Variants in AFAP1L1 observed in about 807,000 individuals in gnomAD.
AFAP1L1 encodes the protein actin filament associated protein 1 like 1.
A neutral mutation model predicts 99.8 loss-of-function variants in AFAP1L1; 77 were observed. That is an observed-to-expected ratio of 0.77 (90% CI 0.64 to 0.93). The LOEUF (loss-of-function observed/expected upper bound fraction) is 0.93. AFAP1L1 is among the 40% of genes least tolerant of loss of function. The pLI is 0.00. For synonymous variants in AFAP1L1, 373 were observed against 395.3 expected, an observed-to-expected ratio of 0.94 and a Z score of 0.67; for missense variants, 893 against 996.8, an observed-to-expected ratio of 0.90 and a Z score of 1.40.
At chr5:149,319,843 C>A (rs982816436) in intron 13 of AFAP1L1, 116 bp downstream of exon 13, 15 of 1,414,304 alleles carry the variant, frequency 1.1e-5, no homozygotes, top group Middle Eastern at 2.5e-4. Flanking sequence ...AGGAAAGCTC[C>A]GCTTCCTTGG....
chr5:149,287,537 C>T (rs144508137), intron 1 of AFAP1L1, among the ~76,000 whole-genome samples: 1 of 152,008 alleles, frequency 6.6e-6, no homozygotes, highest in East Asian at 1.9e-4. Flanking sequence ...TCTCATGAAG[C>T]AAGGATTAGG....
chr5:149,307,353 G>A (rs776088022), intron 6 of AFAP1L1, 49 bp from the exon 7 acceptor site: 3 of 1,597,692 alleles, frequency 1.9e-6, no homozygotes, highest in Non-Finnish European at 2.6e-6. Flanking sequence ...GTGAGAAGGT[G>A]CTTCCCCAGG....
At chr5:149,300,448 C>G in intron 3 of AFAP1L1, 94 bp downstream of exon 3, 1 of 1,100,924 alleles carries the variant, frequency 9.1e-7, no homozygotes, top group Non-Finnish European at 1.3e-6. Context: ...TTGGCTCTAA[C>G]ATCGCATCAT....
In AFAP1L1 at chr5:149,340,732, G is replaced by C. The variant is rs1757539417; in HGVS notation, c.*702G>C. 1 of 152,214 alleles carries C rather than the reference G, an allele frequency of 6.6e-6. No homozygotes were observed. Among genetic ancestry groups the C allele is most frequent in the Non-Finnish European group, 1.5e-5 (1 of 68,052 alleles). 9.4% of individuals were successfully genotyped at this position (152,214 alleles called of 1,614,324 possible). On this transcript the variant is annotated 3_prime_UTR_variant, in exon 19 of 19. Transcript: ENST00000296721. ...AAATGGAGCAGCTGACATATTTTAA[G>C]CTCACAGTGATACTCAGTGACAGGA...
chr5:149,293,864 G>C (rs967579632), intron 1 of AFAP1L1, among the ~76,000 whole-genome samples: 5 of 152,084 alleles, frequency 3.3e-5, no homozygotes, highest in African/African-American at 1.2e-4. Flanking sequence ...TAAAACCAGG[G>C]CTCAAAATTT....
Position 149,321,722 on chromosome 5 carries a change from C to CAAAAA in AFAP1L1, c.1699-863_1699-859dup, listed in dbSNP as rs57366142. Among the ~76,000 whole-genome samples, 23 of 63,768 alleles carry CAAAAA rather than the reference C, an allele frequency of 3.6e-4. 1 individual carries two copies. Among genetic ancestry groups the CAAAAA allele is most frequent in the Admixed American group, 7.8e-4 (4 of 5,108 alleles). The allele number at this position is 63,768 out of a possible 152,430, so 41.8% of individuals were successfully genotyped here. On this transcript the variant is annotated intron_variant, in intron 14 of 18. Coordinates refer to ENST00000296721, the MANE Select transcript of AFAP1L1 (RefSeq NM_152406.4). ...TGGGCAACAGAGCGAGACTCTGTCT[C>CAAAAA]AAAAAAAAAAAAAAAAAAAAAAAAA... is the stretch of plus-strand genomic sequence containing the variant.
intron 15 of AFAP1L1, among the ~76,000 whole-genome samples, chr5:149,326,618 C>T (rs958451574): frequency 2.6e-5 from 4 of 151,280 alleles, no homozygotes; most frequent in African/African-American, 7.3e-5. Flanking sequence ...AAAGAGCCCT[C>T]CTAGGGTTAG....
intron 9 of AFAP1L1, among the ~76,000 whole-genome samples, chr5:149,313,331 G>C (rs916688825): frequency 6.6e-6 from 1 of 151,860 alleles, no homozygotes; most frequent in Non-Finnish European, 1.5e-5. Flanking sequence ...CATGGGCCTT[G>C]CACGATGTAA....
Position 149,342,933 on chromosome 5 carries a change from G to A in AFAP1L1, c.*2903G>A, listed in dbSNP as rs1208768977. Among the ~76,000 whole-genome samples the A allele has an allele frequency of 1.3e-5, 2 of 152,018 alleles. No homozygotes were observed. The highest frequency in any genetic ancestry group is 2.9e-5 in the Non-Finnish European group (2 of 68,000). ...TCAAAAAAAAAAAAATGCCTTATTT[G>A]GTTGTGTTTTTTCAAAGTGTAAGCC... On this transcript the variant is annotated 3_prime_UTR_variant, in exon 19 of 19. Transcript: ENST00000296721.
chr5:149,271,919 C>G lies in AFAP1L1; in HGVS notation c.-50C>G, dbSNP rs1179965849. ...AGCGCGCCGGCCGCTACCAGCCGCG[C>G]CGGAGCCCCTGCGCCCTGCGGCCCG... On this transcript the variant is annotated 5_prime_UTR_variant, in exon 1 of 19. Transcript: ENST00000296721. 1 of 1,214,044 alleles carries G rather than the reference C, an allele frequency of 8.2e-7. No homozygotes were observed. Among genetic ancestry groups the G allele is most frequent in the Non-Finnish European group, 1.0e-6 (1 of 975,874 alleles). 75.2% of individuals were successfully genotyped at this position (1,214,044 alleles called of 1,614,324 possible). A position where few individuals can be genotyped will look rare whatever the true frequency, so the allele number is the denominator to read the frequency against.
At chr5:149,317,674 T>A (rs1756834181) in intron 11 of AFAP1L1, 55 bp from the exon 12 acceptor site, 2 of 1,586,516 alleles carry the variant, frequency 1.3e-6, no homozygotes, top group Admixed American at 3.4e-5. Flanking sequence ...CCGCCTTGCG[T>A]CCCCATGCTG....
Position 149,320,172 on chromosome 5 carries a change from A to G in AFAP1L1, c.1626-219A>G, listed in dbSNP as rs1401185658. 6.6e-6 allele frequency among the ~76,000 whole-genome samples: 1 copy of G among 152,218 alleles called. No individual in the cohort carries two copies. Among genetic ancestry groups the G allele is most frequent in the Non-Finnish European group, 1.5e-5 (1 of 68,036 alleles). ...CTGACTCATAGAATGGTGGTGATGA[A>G]TTACCTGCCTTGCAGGTTGTTATGA... On this transcript the variant is annotated intron_variant, in intron 13 of 18. Coordinates refer to ENST00000296721, the MANE Select transcript of AFAP1L1 (RefSeq NM_152406.4). This position sits in a 1 kb window ranked among gnomAD's most constrained non-coding sequence, Gnocchi z 4.0.
intron 18 of AFAP1L1, among the ~76,000 whole-genome samples, chr5:149,339,555 AGTC>A (rs1290458601): frequency 6.6e-6 from 1 of 152,176 alleles, no homozygotes; most frequent in African/African-American, 2.4e-5. Context: ...GTCATGAGAT[AGTC>A]GTCTTCTTTT....
chr5:149,300,960 C>T (rs555904183), intron 3 of AFAP1L1, among the ~76,000 whole-genome samples, 173 bp from the exon 4 acceptor site: 1 of 152,330 alleles, frequency 6.6e-6, no homozygotes, highest in South Asian at 2.1e-4. Flanking sequence ...GCATCATTGC[C>T]ACCACGTACA....
intron 15 of AFAP1L1, among the ~76,000 whole-genome samples, chr5:149,326,287 C>A (rs1479500438): frequency 2.6e-5 from 4 of 152,252 alleles, no homozygotes; most frequent in Middle Eastern, 3.4e-3. Context: ...CCTTGTCATC[C>A]CAACACTTTG....
At chr5:149,331,962 GGATTCACTCT>G (rs1223914916) in intron 16 of AFAP1L1, among the ~76,000 whole-genome samples, 1 of 152,098 alleles carries the variant, frequency 6.6e-6, no homozygotes, top group Non-Finnish European at 1.5e-5. Flanking sequence ...AGAGCCCTCT[GGATTCACTCT>G]GATTGGTCCG....
At chr5:149,302,769 A>C in intron 5 of AFAP1L1, 2 of 399,468 alleles carry the variant, frequency 5.0e-6, no homozygotes, top group East Asian at 4.3e-5. Context: ...GTGGCCTTGG[A>C]AAATCCCCTT....
At chr5:149,291,634 A>G (rs914117730) in intron 1 of AFAP1L1, among the ~76,000 whole-genome samples, 9 of 151,124 alleles carry the variant, frequency 6.0e-5, no homozygotes, top group African/African-American at 1.9e-4. Flanking sequence ...CCAAGCACTG[A>G]GCTCACATCT....
chr5:149,317,746 G>C lies in AFAP1L1; in HGVS notation c.1285G>C (p.Val429Leu), dbSNP rs202227511. 7 of 1,614,014 alleles carry C rather than the reference G, an allele frequency of 4.3e-6. No individual in the cohort carries two copies. The Middle Eastern group carries it at 4.9e-4, about 114-fold the overall frequency. ...VPCCGYLNVL[V>L]NQGWKERWCR... ...TCCTCCAGGCTACCTGAACGTGCTG[G>C]TGAACCAGGGCTGGAAGGAACGCTG... The change falls in exon 12 of 19, where the codon GTG becomes CTG. Residue 429 changes from valine (V) to leucine (L), a missense_variant. Val to Leu is a conservative substitution (Grantham distance 32). Coordinates refer to ENST00000296721, the MANE Select transcript of AFAP1L1 (RefSeq NM_152406.4).
Sources: allele counts gnomAD v4.1 joint callset (sites outside exome capture counted in the v4.1 genomes callset), GRCh38; gene constraint gnomAD v4.1.1; non-coding constraint Gnocchi (gnomAD v3.1); transcripts MANE v1.5; gene names NCBI Gene and HGNC (gene_info 2026-07-23, HGNC 2026-07-21).